The following SUPT3H variants were observed in gnomAD, a reference collection of about 807,000 sequenced individuals.
SUPT3H encodes SPT3 homolog, SAGA and STAGA complex component.
SUPT3H carries 44 observed loss-of-function variants against 44.3 expected under a neutral mutation model. That is an observed-to-expected ratio of 0.99 (90% CI 0.78 to 1.28). The LOEUF (loss-of-function observed/expected upper bound fraction) is 1.28. Ranked by LOEUF, SUPT3H falls within the 50% of genes most tolerant of loss-of-function variation. The pLI is 0.00. For missense variants in SUPT3H, 380 were observed against 387.1 expected, an observed-to-expected ratio of 0.98 and a Z score of 0.15; for synonymous variants, 124 against 125.6, an observed-to-expected ratio of 0.99 and a Z score of 0.09.
At chr6:45,318,660 A>C (rs1785051652) in intron 2 of SUPT3H, among the ~76,000 whole-genome samples, 1 of 148,146 alleles carries the variant, frequency 6.8e-6, no homozygotes, top group Admixed American at 6.7e-5. Flanking sequence ...TAAATAACTA[A>C]ATAGCAATGC....
At chr6:44,912,218 G>A (rs939321839) in intron 10 of SUPT3H, among the ~76,000 whole-genome samples, 1 of 152,088 alleles carries the variant, frequency 6.6e-6, no homozygotes, top group Non-Finnish European at 1.5e-5. Context: ...CAGAAGTTCT[G>A]TGCCCATTAA....
intron 2 of SUPT3H, among the ~76,000 whole-genome samples, chr6:45,275,523 T>G (rs1369299676): frequency 6.6e-6 from 1 of 152,186 alleles, no homozygotes; most frequent in East Asian, 1.9e-4. Context: ...AATGAAGAAC[T>G]GTCACAGATT....
At chr6:45,211,826 C>A (rs1196797164) in intron 2 of SUPT3H, among the ~76,000 whole-genome samples, 2 of 147,270 alleles carry the variant, frequency 1.4e-5, no homozygotes, top group African/African-American at 2.5e-5. Flanking sequence ...TCCAGCCTGG[C>A]GACACAGCAA....
At chr6:44,816,680 A>G (rs1766933600) in intron 11 of SUPT3H, among the ~76,000 whole-genome samples, 1 of 152,216 alleles carries the variant, frequency 6.6e-6, no homozygotes, top group African/African-American at 2.4e-5. Context: ...ACCAGAAATG[A>G]GACATTACAA....
At chr6:44,936,409 G>A (rs1771428666) in intron 9 of SUPT3H, among the ~76,000 whole-genome samples, 1 of 152,114 alleles carries the variant, frequency 6.6e-6, no homozygotes, top group Non-Finnish European at 1.5e-5. Flanking sequence ...AGATTAGAGT[G>A]GTAAAGTTAG....
At chr6:44,949,885 A>G (rs1025424058) in intron 9 of SUPT3H, among the ~76,000 whole-genome samples, 1 of 152,240 alleles carries the variant, frequency 6.6e-6, no homozygotes. Context: ...TGTTTCTTTA[A>G]AAACCAAACA....
intron 3 of SUPT3H, among the ~76,000 whole-genome samples, chr6:45,068,747 G>T (rs867359793): frequency 5.9e-5 from 9 of 151,794 alleles, no homozygotes; most frequent in South Asian, 2.1e-4. Context: ...GCTCCTCATA[G>T]TGTGTGGACT....
rs187241752 is a variant in SUPT3H, at chr6:45,135,072, T to C, written c.102-29066A>G. Among the ~76,000 whole-genome samples, 83 of 152,298 alleles carry C rather than the reference T, an allele frequency of 5.4e-4. 1 individual carries two copies. The highest frequency in any genetic ancestry group is 2.0e-3 in the African/African-American group (82 of 41,562). The stretch of plus-strand genomic sequence containing the variant: ...TCAGGAGTAGTGGCATAATCAGCAC[T>C]TGAGCCTGCTTGAGCCATGGCTGAG... On this transcript the variant is annotated intron_variant, in intron 2 of 10. Coordinates refer to ENST00000371459, the MANE Select transcript of SUPT3H (RefSeq NM_003599.4).
At chr6:45,115,008 A>T (rs1273506215) in intron 2 of SUPT3H, among the ~76,000 whole-genome samples, 1 of 152,184 alleles carries the variant, frequency 6.6e-6, no homozygotes, top group African/African-American at 2.4e-5. Flanking sequence ...CATTTAATGG[A>T]CTTTACTATC....
chr6:45,092,898 A>G (rs1171535138), intron 3 of SUPT3H, among the ~76,000 whole-genome samples: 2 of 152,194 alleles, frequency 1.3e-5, no homozygotes, highest in Admixed American at 1.3e-4. Context: ...TGCTTGGGAA[A>G]CTAACAATGT....
chr6:44,964,224 A>G (rs1392736930), intron 6 of SUPT3H, among the ~76,000 whole-genome samples: 2 of 152,134 alleles, frequency 1.3e-5, no homozygotes, highest in African/African-American at 4.8e-5. Context: ...CGACTGTTTT[A>G]TTCCACAGGG....
chr6:45,128,619 T>A (rs1326015007), intron 2 of SUPT3H, among the ~76,000 whole-genome samples: 1 of 135,470 alleles, frequency 7.4e-6, no homozygotes, highest in African/African-American at 2.8e-5. Flanking sequence ...TACACACACA[T>A]ATATATACAC....
chr6:44,963,776 G>A (rs1776395186), intron 6 of SUPT3H, among the ~76,000 whole-genome samples: 1 of 152,040 alleles, frequency 6.6e-6, no homozygotes, highest in Non-Finnish European at 1.5e-5. Context: ...GAGGCGGGTG[G>A]ATCATGAGGT....
At chr6:45,021,939 G>A (rs1333974769) in intron 3 of SUPT3H, among the ~76,000 whole-genome samples, 1 of 151,834 alleles carries the variant, frequency 6.6e-6, no homozygotes, top group Non-Finnish European at 1.5e-5. Context: ...CTTGGTGGGG[G>A]GGTAGGTTTT....
intron 2 of SUPT3H, among the ~76,000 whole-genome samples, chr6:45,208,510 G>C (rs1763557327): frequency 6.6e-6 from 1 of 152,152 alleles, no homozygotes; most frequent in African/African-American, 2.4e-5. Context: ...CAGATCATAA[G>C]GTCAGGAGAT....
At chr6:45,192,692 G>T (rs970426793) in intron 2 of SUPT3H, among the ~76,000 whole-genome samples, 5 of 151,830 alleles carry the variant, frequency 3.3e-5, no homozygotes, top group Admixed American at 2.6e-4. Context: ...TTAATATTTC[G>T]AATCAAAGCA....
intron 3 of SUPT3H, among the ~76,000 whole-genome samples, chr6:45,084,039 C>A (rs1357789169): frequency 6.6e-6 from 1 of 152,108 alleles, no homozygotes; most frequent in Non-Finnish European, 1.5e-5. Flanking sequence ...CTGTAAGAAT[C>A]CTAGAAGAAT....
chr6:45,299,333 C>CT lies in SUPT3H; in HGVS notation c.101+65867dup, dbSNP rs1491471473. 1.5e-3 allele frequency among the ~76,000 whole-genome samples: 36 copies of CT among 23,684 alleles called. 1 individual carries two copies. The South Asian group carries it at 0.056, about 37-fold the overall frequency. 15.5% of individuals were successfully genotyped at this position (23,684 alleles called of 152,430 possible). ...CTTGGGCAACACAGCAAGACTCTGC[C>CT]TCAAAAAAAAAAAAAAGAATTGTAT... On this transcript the variant is annotated intron_variant, in intron 2 of 10. Transcript: ENST00000371459.
intron 2 of SUPT3H, among the ~76,000 whole-genome samples, chr6:45,268,534 T>C (rs921168455): frequency 2.0e-4 from 31 of 152,222 alleles, no homozygotes; most frequent in Non-Finnish European, 2.9e-4. Flanking sequence ...CATTCTTATA[T>C]ACATCAACTG....
Sources: allele counts gnomAD v4.1 joint callset (sites outside exome capture counted in the v4.1 genomes callset), GRCh38; gene constraint gnomAD v4.1.1; transcripts MANE v1.5; gene names NCBI Gene and HGNC (gene_info 2026-07-23, HGNC 2026-07-21).